TJP2: variants seen among roughly 807,000 people sequenced by gnomAD.
TJP2 encodes the protein tight junction protein 2, also known as Friedreich ataxia region gene X104 (tight junction protein ZO-2).
TJP2 carries 91 observed loss-of-function variants against 133.1 expected under a neutral mutation model. The ratio of observed to expected loss-of-function variants is 0.68; its 90% CI spans 0.58 to 0.81. TJP2 has a LOEUF of 0.81. TJP2 is among the 40% of genes least tolerant of loss of function. TJP2 has a pLI of 0.00. For missense variants in TJP2, 1,541 were observed against 1,565.6 expected, an observed-to-expected ratio of 0.98 and a Z score of 0.26; for synonymous variants, 592 against 583.4, an observed-to-expected ratio of 1.01 and a Z score of -0.21.
intron 1 of TJP2, among the ~76,000 whole-genome samples, chr9:69,182,788 CTTTTTTT>C (rs35602682): frequency 7.7e-6 from 1 of 129,424 alleles, no homozygotes; most frequent in Non-Finnish European, 1.6e-5. Flanking sequence ...TGATGAATTT[CTTTTTTT>C]TTTTTTTTTT....
upstream of TJP2, chr9:69,174,222 G>C: frequency 7.0e-7 from 1 of 1,427,644 alleles, no homozygotes; most frequent in Non-Finnish European, 9.2e-7. Flanking sequence ...CGCGGGAGGA[G>C]GGACAAAGGG....
Position 69,221,375 on chromosome 9 carries a change from C to G in TJP2, c.831C>G (p.Ala277=). The G allele has an allele frequency of 6.3e-7, 1 of 1,583,908 alleles. No homozygotes were observed. The highest frequency in any genetic ancestry group is 2.3e-5 in the East Asian group (1 of 43,180). ...ACAGGCGCGGGGCCCGCCACGATGC[C>G]CGCTCTCGGGGACCCCGAAGCCGCA... is the stretch of plus-strand genomic sequence containing the variant. ...PEYRRGARHD[A]RSRGPRSRSR... is the part of the protein sequence containing the mutation. The change falls in exon 5 of 23, where the codon GCC becomes GCG. Residue 277 remains alanine (A), a synonymous_variant. Transcript: ENST00000377245.
chr9:69,218,131 C>T lies in TJP2; in HGVS notation c.240-126C>T, dbSNP rs1364623988. The T allele has an allele frequency of 6.4e-6, 5 of 778,702 alleles. No individual in the cohort carries two copies. In the East Asian group the frequency reaches 1.4e-4, roughly 21 times the overall value. 48.2% of individuals were successfully genotyped at this position (778,702 alleles called of 1,614,324 possible). A position where few individuals can be genotyped will look rare whatever the true frequency, so the allele number is the denominator to read the frequency against. On this transcript the variant is annotated intron_variant, in intron 3 of 22. Coordinates refer to ENST00000377245, the MANE Select transcript of TJP2 (RefSeq NM_004817.4). Reference sequence around the variant, plus strand: ...GCCAAGTTGACTGGGCCTTGGGCGCCACTAGACACTGAGCCCTTTAGAAAG... The same window carrying T: ...GCCAAGTTGACTGGGCCTTGGGCGCTACTAGACACTGAGCCCTTTAGAAAG...
chr9:69,206,235 T>C (rs2133161549), intron 1 of TJP2, among the ~76,000 whole-genome samples: 1 of 152,262 alleles, frequency 6.6e-6, no homozygotes, highest in South Asian at 2.1e-4. Context: ...TCCTAATGGA[T>C]AGAATGTTGA....
intron 19 of TJP2, chr9:69,248,504 T>C (rs2133470270): frequency 1.5e-6 from 2 of 1,302,756 alleles, no homozygotes; most frequent in African/African-American, 3.0e-5. Flanking sequence ...GTGCCGTCTG[T>C]CCAAATTACC....
chr9:69,167,775 C>T (rs535758396), intron 2 of TJP2, among the ~76,000 whole-genome samples: 2 of 150,302 alleles, frequency 1.3e-5, no homozygotes, highest in Non-Finnish European at 2.9e-5. Context: ...GGCTAAGGCA[C>T]GAGAATTGCT....
At position 69,134,976 on chromosome 9, in the gene TJP2, G is replaced by GGAGAGA. The variant is rs56216843; in HGVS notation, c.-131+13266_-131+13271dup. On this transcript the variant is annotated intron_variant, in intron 1 of 5. Transcript: ENST00000423935. The stretch of plus-strand genomic sequence containing the variant: ...AGAGAGAGAGAGAGAAGAGAGAAGA[G>GGAGAGA]GAGAGAGAGAGAGAGAGAGATCTGT... Among the ~76,000 whole-genome samples the GGAGAGA allele has an allele frequency of 6.1e-3, 911 of 148,902 alleles. 7 individuals are homozygous for GGAGAGA. Among genetic ancestry groups the GGAGAGA allele is most frequent in the Non-Finnish European group, 8.4e-3 (565 of 67,170 alleles).
At chr9:69,169,317 G>A (rs1027853556), upstream of TJP2, among the ~76,000 whole-genome samples, 3 of 148,658 alleles carry the variant, frequency 2.0e-5, no homozygotes, top group African/African-American at 4.9e-5. Flanking sequence ...CAGTGTACAC[G>A]TTAACTAAAT....
chr9:69,236,368 G>A (rs1257034675), intron 13 of TJP2, 130 bp downstream of exon 13: 2 of 932,344 alleles, frequency 2.1e-6, no homozygotes, highest in Non-Finnish European at 3.3e-6. Flanking sequence ...TCTATTTCTT[G>A]TTTATGGAGA....
At chr9:69,129,058 C>T (rs1197910083) in intron 1 of TJP2, among the ~76,000 whole-genome samples, 8 of 152,228 alleles carry the variant, frequency 5.3e-5, no homozygotes, top group South Asian at 2.1e-4. Context: ...TTAATGAATA[C>T]GTAGTTTCTT....
At chr9:69,128,583 A>C (rs1323222910) in intron 1 of TJP2, among the ~76,000 whole-genome samples, 1 of 145,702 alleles carries the variant, frequency 6.9e-6, no homozygotes, top group Non-Finnish European at 1.5e-5. Context: ...AGTGCAGTGG[A>C]GTGATCTCGT....
At chr9:69,205,422 A>G in intron 1 of TJP2, 5 of 1,236,310 alleles carry the variant, frequency 4.0e-6, no homozygotes, top group Non-Finnish European at 5.5e-6. Context: ...ACTTGTATTA[A>G]TTTTAGCAGA....
chr9:69,186,765 C>T (rs940192824), intron 1 of TJP2, among the ~76,000 whole-genome samples: 5 of 152,132 alleles, frequency 3.3e-5, no homozygotes, highest in South Asian at 2.1e-4. Flanking sequence ...GGAAGGGACC[C>T]GTGGTGTTGC....
At chr9:69,247,627 A>G (rs188987694) in intron 18 of TJP2, among the ~76,000 whole-genome samples, 47 of 152,266 alleles carry the variant, frequency 3.1e-4, no homozygotes, top group African/African-American at 1.0e-3. Context: ...AATCTTGTAG[A>G]GGCATGGATG....
In TJP2 at chr9:69,242,126, A is replaced by T. The variant is rs1164803034; in HGVS notation, c.2566+1979A>T. Reference sequence around the variant, plus strand: ...CTAGGCTGAAGGCGGCTGGACGAGGAGAGCAGGGCAGAAGAAGGCAGCCAG... The same window carrying T: ...CTAGGCTGAAGGCGGCTGGACGAGGTGAGCAGGGCAGAAGAAGGCAGCCAG... On this transcript the variant is annotated intron_variant, in intron 17 of 22. Transcript: ENST00000377245. Among the ~76,000 whole-genome samples the T allele has an allele frequency of 5.3e-5, 8 of 152,326 alleles. No individual in the cohort carries two copies. The South Asian group carries it at 1.7e-3, about 32-fold the overall frequency.
chr9:69,223,088 A>AAAAG (rs1563929088), intron 5 of TJP2, among the ~76,000 whole-genome samples: 2 of 131,574 alleles, frequency 1.5e-5, no homozygotes. Context: ...AAAAAAAAAA[A>AAAAG]AAAGAAACCA....
chr9:69,121,789 C>G (rs1822155365), intron 1 of TJP2: 1 of 152,408 alleles, frequency 6.6e-6, no homozygotes, highest in East Asian at 1.9e-4. Flanking sequence ...CCCGGGAGAG[C>G]CGCCGAGGCG....
At chr9:69,122,866 T>C (rs1374323083) in intron 1 of TJP2, among the ~76,000 whole-genome samples, 1 of 152,200 alleles carries the variant, frequency 6.6e-6, no homozygotes, top group African/African-American at 2.4e-5. Context: ...GTTAAGCCCT[T>C]AACCAATCCA....
chr9:69,141,902 A>T (rs1564376617), intron 1 of TJP2, among the ~76,000 whole-genome samples: 3 of 152,166 alleles, frequency 2.0e-5, no homozygotes, highest in Non-Finnish European at 4.4e-5. Flanking sequence ...TTTATTATTT[A>T]AAACAAGCCC....
Sources: gnomAD v4.1 joint callset for allele counts (sites outside exome capture counted in the v4.1 genomes callset) on GRCh38, gnomAD v4.1.1 for gene constraint, MANE v1.5 for transcripts, NCBI Gene and HGNC (gene_info 2026-07-23, HGNC 2026-07-21) for gene names.